Variants in EML5 observed in about 807,000 individuals in gnomAD.
The protein encoded by EML5 is EMAP like 5, also known as echinoderm microtubule-associated protein-like 5.
In EML5, 120 loss-of-function variants were observed where a neutral mutation model predicts 250.0. The observed-to-expected ratio is 0.48, with a 90% confidence interval of 0.41 to 0.56. The LOEUF (loss-of-function observed/expected upper bound fraction) is 0.56. Ranked by LOEUF, EML5 falls within the 20% of genes least tolerant of loss-of-function variation. The pLI, the probability that EML5 is intolerant of heterozygous loss-of-function variation, is 0.00. For synonymous variants in EML5, 771 were observed against 806.5 expected (o/e 0.96, Z 0.75); for missense variants, 2,006 against 2,437.6 (o/e 0.82, Z 3.73).
At chr14:88,764,872 C>T (rs2094299772) in intron 1 of EML5, among the ~76,000 whole-genome samples, 1 of 152,060 alleles carries the variant, frequency 6.6e-6, no homozygotes, top group African/African-American at 2.4e-5. Flanking sequence ...AGAGAACATA[C>T]TCTATATGAT....
intron 31 of EML5, among the ~76,000 whole-genome samples, chr14:88,641,577 G>A (rs1301141450): frequency 6.6e-6 from 1 of 152,076 alleles, no homozygotes; most frequent in Non-Finnish European, 1.5e-5. Context: ...AAAACCATAT[G>A]ATTATCTCAA....
At chr14:88,679,685 G>T (rs1198757107) in intron 21 of EML5, among the ~76,000 whole-genome samples, 1 of 151,574 alleles carries the variant, frequency 6.6e-6, no homozygotes, top group Non-Finnish European at 1.5e-5. Flanking sequence ...GAGCAAGACT[G>T]TCTCAAAAAA....
intron 4 of EML5, among the ~76,000 whole-genome samples, chr14:88,742,254 TACACAC>T (rs148836969): frequency 6.6e-6 from 1 of 151,646 alleles, no homozygotes; most frequent in Non-Finnish European, 1.5e-5. Flanking sequence ...ATGAAAATAT[TACACAC>T]ACACACACGC....
At position 88,792,114 on chromosome 14, in the gene EML5, G is replaced by A. The variant is rs531447953; in HGVS notation, c.197+193C>T. Among the ~76,000 whole-genome samples, 1 of 152,346 alleles carries A rather than the reference G, an allele frequency of 6.6e-6. No homozygotes were observed. The highest frequency in any genetic ancestry group is 2.1e-4 in the South Asian group (1 of 4,830). On this transcript the variant is annotated intron_variant, in intron 1 of 43. Transcript: ENST00000554922. The surrounding 1 kb of genome is among the most constrained non-coding windows in gnomAD (Gnocchi z 6.9). Reference sequence around the variant, plus strand: ...TCTTCCTGCACGGACCCGAGAGAGAGTCCCTAGACGAGGAAGAGGGGAAAG... The same window carrying A: ...TCTTCCTGCACGGACCCGAGAGAGAATCCCTAGACGAGGAAGAGGGGAAAG...
chr14:88,710,117 C>G (rs1459623266), intron 10 of EML5, among the ~76,000 whole-genome samples: 1 of 152,150 alleles, frequency 6.6e-6, no homozygotes, highest in Non-Finnish European at 1.5e-5. Flanking sequence ...CCCTATGCTG[C>G]TGCCTAGGAA....
intron 5 of EML5, among the ~76,000 whole-genome samples, chr14:88,740,023 T>C (rs1247103592): frequency 1.3e-5 from 2 of 152,182 alleles, no homozygotes; most frequent in African/African-American, 4.8e-5. Flanking sequence ...GTAAGTTATT[T>C]ACACGAAAAT....
intron 25 of EML5, among the ~76,000 whole-genome samples, chr14:88,660,467 GC>G (rs1461944103): frequency 1.3e-5 from 2 of 152,078 alleles, no homozygotes; most frequent in Non-Finnish European, 2.9e-5. Flanking sequence ...TGTTGGCGAG[GC>G]CCAGTGGCTC....
chr14:88,732,813 G>A (rs1290127792), intron 7 of EML5, among the ~76,000 whole-genome samples: 2 of 152,130 alleles, frequency 1.3e-5, no homozygotes, highest in African/African-American at 2.4e-5. Flanking sequence ...AAGAAGAATT[G>A]ATCTCTGTCT....
intron 32 of EML5, among the ~76,000 whole-genome samples, chr14:88,635,474 T>G (rs2090670533): frequency 2.0e-5 from 3 of 152,170 alleles, no homozygotes; most frequent in Admixed American, 1.3e-4. Context: ...CTCTGAATAT[T>G]AACAGGGTCT....
intron 1 of EML5, among the ~76,000 whole-genome samples, chr14:88,778,462 T>C (rs1421186365): frequency 6.6e-6 from 1 of 152,178 alleles, no homozygotes; most frequent in Non-Finnish European, 1.5e-5. Flanking sequence ...TTTCTGTTTC[T>C]GGACATAGAA....
rs2140912621 is a variant in EML5 at position 88,792,405 on chromosome 14, G to A, written c.99C>T (p.Ala33=). 4 of 1,565,504 alleles carry A rather than the reference G, an allele frequency of 2.6e-6. No individual in the cohort carries two copies. Among genetic ancestry groups the A allele is most frequent in the South Asian group, 2.4e-5 (2 of 84,912 alleles). The change falls in exon 1 of 44, where the codon GCC becomes GCT. Residue 33 remains alanine (A), a synonymous_variant. Coordinates refer to ENST00000554922, the MANE Select transcript of EML5 (RefSeq NM_183387.3). This position sits in a 1 kb window ranked among gnomAD's most constrained non-coding sequence, Gnocchi z 6.9. ...QCRNNLYYTA[A]KEIVYFVAGV... is the part of the protein sequence containing the mutation. Reference sequence around the variant, plus strand: ...CCGCCACGAAGTATACGATCTCCTTGGCCGCAGTGTAGTAGAGGTTGTTGC... The same window carrying A: ...CCGCCACGAAGTATACGATCTCCTTAGCCGCAGTGTAGTAGAGGTTGTTGC...
chr14:88,684,781 T>A (rs1407625610), intron 20 of EML5, among the ~76,000 whole-genome samples: 1 of 152,086 alleles, frequency 6.6e-6, no homozygotes, highest in African/African-American at 2.4e-5. Flanking sequence ...ATAACCAAAT[T>A]AAAATTTTTT....
At chr14:88,658,931 A>G (rs1372760507) in intron 25 of EML5, among the ~76,000 whole-genome samples, 1 of 152,210 alleles carries the variant, frequency 6.6e-6, no homozygotes, top group African/African-American at 2.4e-5. Flanking sequence ...TATGTTAACA[A>G]AAAGTAACTA....
At chr14:88,626,745 G>T in intron 35 of EML5, 93 bp downstream of exon 35, 1 of 1,244,966 alleles carries the variant, frequency 8.0e-7, no homozygotes, top group Non-Finnish European at 1.1e-6. Context: ...GCAGATCACA[G>T]TATCATCTCA....
chr14:88,746,155 T>G (rs370709635), intron 3 of EML5, 30 bp downstream of exon 3: 22 of 1,544,310 alleles, frequency 1.4e-5, no homozygotes, highest in Admixed American at 1.2e-4. Flanking sequence ...CTTCCAGTAC[T>G]CATTAGAAAT....
chr14:88,616,948 T>C, intron 41 of EML5, 69 bp from the exon 42 acceptor site: 1 of 1,490,078 alleles, frequency 6.7e-7, no homozygotes, highest in South Asian at 1.2e-5. Flanking sequence ...TCAAAAAGTT[T>C]CTTGGCAATT....
chr14:88,618,135 T>C (rs780617055), intron 41 of EML5, 93 bp downstream of exon 41: 1 of 999,512 alleles, frequency 1.0e-6, no homozygotes, highest in Non-Finnish European at 1.5e-6. Flanking sequence ...TCAATTACTA[T>C]TCCTTATTGG....
At chr14:88,634,511 TATAA>T in intron 32 of EML5, 22 bp from the exon 33 acceptor site, 1 of 1,383,610 alleles carries the variant, frequency 7.2e-7, no homozygotes, top group Non-Finnish European at 9.7e-7. Context: ...AATAATTATC[TATAA>T]ATAACATAAA....
At chr14:88,733,017 A>G (rs954003766) in intron 7 of EML5, among the ~76,000 whole-genome samples, 1 of 152,214 alleles carries the variant, frequency 6.6e-6, no homozygotes, top group African/African-American at 2.4e-5. Flanking sequence ...AAGCAGCACA[A>G]TGTAATGTGA....
Sources: allele counts gnomAD v4.1 joint callset (sites outside exome capture counted in the v4.1 genomes callset), GRCh38; gene constraint gnomAD v4.1.1; non-coding constraint Gnocchi (gnomAD v3.1); transcripts MANE v1.5; gene names NCBI Gene and HGNC (gene_info 2026-07-23, HGNC 2026-07-21).